Variants in RUBCN observed in about 807,000 individuals in gnomAD.
RUBCN encodes the protein run domain Beclin-1-interacting and cysteine-rich domain-containing protein.
In RUBCN, 74 loss-of-function variants were observed where a neutral mutation model predicts 113.2. That is an observed-to-expected ratio of 0.65 (90% CI 0.54 to 0.79). The LOEUF is 0.79. Ranked by LOEUF, RUBCN falls within the 30% of genes least tolerant of loss-of-function variation. RUBCN has a pLI of 0.00. For synonymous variants in RUBCN, 480 were observed against 490.0 expected, an observed-to-expected ratio of 0.98 and a Z score of 0.27; for missense variants, 1,109 against 1,251.7, an observed-to-expected ratio of 0.89 and a Z score of 1.72.
At chr3:197,702,142 G>T (rs1723748075) in intron 5 of RUBCN, among the ~76,000 whole-genome samples, 1 of 152,210 alleles carries the variant, frequency 6.6e-6, no homozygotes, top group Non-Finnish European at 1.5e-5. Context: ...TGTGGAATCA[G>T]AAGTCAGACA....
intron 7 of RUBCN, among the ~76,000 whole-genome samples, chr3:197,697,545 G>A (rs1326752745): frequency 3.9e-5 from 6 of 152,232 alleles, no homozygotes; most frequent in South Asian, 2.1e-4. Flanking sequence ...CATCAAGGCA[G>A]TGCTGGAGAA....
chr3:197,709,680 T>C (rs187554270), intron 2 of RUBCN, among the ~76,000 whole-genome samples: 29 of 152,012 alleles, frequency 1.9e-4, no homozygotes, highest in African/African-American at 6.0e-4. Context: ...GCGCCCGGCC[T>C]GAAAAGCTAC....
At chr3:197,743,176 C>T (rs1728597468) in intron 1 of RUBCN, among the ~76,000 whole-genome samples, 1 of 152,224 alleles carries the variant, frequency 6.6e-6, no homozygotes, top group Non-Finnish European at 1.5e-5. Flanking sequence ...TTCTTAAGGG[C>T]AGCAGCTATG....
upstream of RUBCN, among the ~76,000 whole-genome samples, chr3:197,737,536 T>G (rs531575813): frequency 8.5e-5 from 13 of 152,064 alleles, no homozygotes; most frequent in Admixed American, 5.9e-4. Context: ...GCTTGGGAAC[T>G]GCAGGTGCTG....
upstream of RUBCN, chr3:197,736,921 G>C (rs550045277): frequency 1.7e-4 from 232 of 1,352,934 alleles, 1 homozygote; most frequent in African/African-American, 3.4e-3. Context: ...TTCCGGCTCC[G>C]GGGACTACAG....
intron 2 of RUBCN, among the ~76,000 whole-genome samples, chr3:197,715,150 G>A (rs1020095909): frequency 2.0e-5 from 3 of 151,960 alleles, no homozygotes; most frequent in Non-Finnish European, 2.9e-5. Context: ...CTGGCTGGGC[G>A]TGGTGGTGCA....
chr3:197,747,322 G>C (rs1020898459), intron 1 of RUBCN, among the ~76,000 whole-genome samples: 12 of 151,940 alleles, frequency 7.9e-5, no homozygotes, highest in African/African-American at 2.9e-4. Context: ...CTGCAGCATG[G>C]CCTTTTGCAC....
rs949235722 is a variant in RUBCN at position 197,676,514 on chromosome 3, T to A, written c.2646+371A>T. The A allele has an allele frequency of 4.7e-5, 37 of 785,230 alleles. 1 individual carries two copies. The African/African-American group carries it at 6.8e-4, about 14-fold the overall frequency. The allele number at this position is 785,230 out of a possible 1,614,324, so 48.6% of individuals were successfully genotyped here. A position where few individuals can be genotyped will look rare whatever the true frequency, so the allele number is the denominator to read the frequency against. Reference sequence around the variant, plus strand: ...TTTTAGTAGAGATGGGGTTTCATCATGTTCGTCAGGCTGGTCTTGAACTCC... The same window carrying A: ...TTTTAGTAGAGATGGGGTTTCATCAAGTTCGTCAGGCTGGTCTTGAACTCC... On this transcript the variant is annotated intron_variant, in intron 18 of 19. Coordinates refer to ENST00000296343, the MANE Select transcript of RUBCN (RefSeq NM_014687.4).
intron 1 of RUBCN, among the ~76,000 whole-genome samples, chr3:197,731,022 T>C (rs1727391412): frequency 6.6e-6 from 1 of 151,770 alleles, no homozygotes; most frequent in Admixed American, 6.6e-5. Flanking sequence ...TTATTGATCA[T>C]TCTTGGGTGT....
chr3:197,707,963 CAA>C (rs368244493), intron 2 of RUBCN, among the ~76,000 whole-genome samples: 2 of 134,296 alleles, frequency 1.5e-5, no homozygotes, highest in African/African-American at 2.7e-5. Context: ...TACTCTGTCT[CAA>C]AAAAAAAAAA....
At position 197,674,645 on chromosome 3, in the gene RUBCN, GA is replaced by G; in HGVS notation, c.*372del. 2.4e-6 allele frequency: 1 copy of G among 418,454 alleles called. No homozygotes were observed. The highest frequency in any genetic ancestry group is 4.8e-6 in the Non-Finnish European group (1 of 209,016). 25.9% of individuals were successfully genotyped at this position (418,454 alleles called of 1,614,324 possible). A position where few individuals can be genotyped will look rare whatever the true frequency, so the allele number is the denominator to read the frequency against. On this transcript the variant is annotated 3_prime_UTR_variant, in exon 20 of 20. Transcript: ENST00000296343. The stretch of plus-strand genomic sequence containing the variant: ...CAGAAGCTCCAGAACTGAAACAAAG[GA>G]AAATTGGAAATGATACCTGACATGC...
rs541997965 is a variant in RUBCN at position 197,674,572 on chromosome 3, G to T, written c.*446C>A. 3.7e-5 allele frequency: 19 copies of T among 507,142 alleles called. No homozygotes were observed. The highest frequency in any genetic ancestry group is 6.0e-5 in the Non-Finnish European group (15 of 247,986). 31.4% of individuals were successfully genotyped at this position (507,142 alleles called of 1,614,324 possible). A position where few individuals can be genotyped will look rare whatever the true frequency, so the allele number is the denominator to read the frequency against. On this transcript the variant is annotated 3_prime_UTR_variant, in exon 20 of 20. Transcript: ENST00000296343. ...AGTCCAGGACAGGGAGAGGGAAAAC[G>T]CCATCCCCGTTTCAGCAGCAGGAGA...
chr3:197,717,869 C>T, intron 2 of RUBCN, 108 bp downstream of exon 2: 1 of 1,183,244 alleles, frequency 8.5e-7, no homozygotes, highest in East Asian at 2.4e-5. Context: ...GTCACAGCTG[C>T]TCTCAGGAGT....
At chr3:197,728,644 A>G (rs1247223847) in intron 1 of RUBCN, among the ~76,000 whole-genome samples, 1 of 152,196 alleles carries the variant, frequency 6.6e-6, no homozygotes, top group Non-Finnish European at 1.5e-5. Context: ...AACACCAACT[A>G]TATGTCAGGC....
chr3:197,731,950 T>A (rs1477894012), intron 1 of RUBCN, among the ~76,000 whole-genome samples: 4 of 152,194 alleles, frequency 2.6e-5, no homozygotes, highest in African/African-American at 9.7e-5. Context: ...AGGAACAGAA[T>A]TTTAGACCCT....
Position 197,672,193 on chromosome 3 carries a change from GA to G in RUBCN, c.*2824del, listed in dbSNP as rs1719856580. The G allele has an allele frequency of 6.6e-6, 1 of 152,284 alleles. No homozygotes were observed. The highest frequency in any genetic ancestry group is 2.4e-5 in the African/African-American group (1 of 41,554). 9.4% of individuals were successfully genotyped at this position (152,284 alleles called of 1,614,324 possible). On this transcript the variant is annotated 3_prime_UTR_variant, in exon 20 of 20. Transcript: ENST00000296343. ...CGTCAAAAACAGCCTCATTTAAGTG[GA>G]AAATATTTGTCTTCCACTCTTCTGC...
upstream of RUBCN, chr3:197,749,732 C>T: frequency 1.6e-6 from 1 of 612,632 alleles, no homozygotes; most frequent in Non-Finnish European, 3.0e-6. Context: ...CCTAGCACAG[C>T]GGCTGCAATG....
chr3:197,740,729 T>C (rs1728492951), upstream of RUBCN, among the ~76,000 whole-genome samples: 1 of 151,774 alleles, frequency 6.6e-6, no homozygotes, highest in Non-Finnish European at 1.5e-5. Context: ...CAAGCAATTC[T>C]CCTGCCTCAG....
intron 11 of RUBCN, among the ~76,000 whole-genome samples, chr3:197,687,133 C>T (rs1721938362): frequency 6.6e-6 from 1 of 152,196 alleles, no homozygotes; most frequent in Non-Finnish European, 1.5e-5. Flanking sequence ...ATGCCGGTTT[C>T]CATCCTGCTT....
Sources: allele counts gnomAD v4.1 joint callset (sites outside exome capture counted in the v4.1 genomes callset), GRCh38; gene constraint gnomAD v4.1.1; transcripts MANE v1.5; gene names NCBI Gene and HGNC (gene_info 2026-07-23, HGNC 2026-07-21).